Variants in APPBP2 observed in about 807,000 individuals in gnomAD.
APPBP2 encodes the protein amyloid protein-binding protein 2.
Under a neutral mutation model 76.0 loss-of-function variants are expected in APPBP2, and 15 were observed. That is an observed-to-expected ratio of 0.20 (90% confidence interval 0.13 to 0.30). The LOEUF is 0.30. APPBP2 is among the 10% of genes least tolerant of loss of function. The probability of loss-of-function intolerance (pLI) is 1.00; values close to 1 mark genes in which losing one functional copy is unlikely to be tolerated. For missense variants in APPBP2, 401 were observed against 687.2 expected (o/e 0.58, Z 4.66); for synonymous variants, 222 against 242.2 (o/e 0.92, Z 0.77).
chr17:60,503,599 T>C lies in APPBP2; in HGVS notation c.139-3112A>G, dbSNP rs566780542. Among the ~76,000 whole-genome samples the C allele has an allele frequency of 6.2e-5, 9 of 146,260 alleles. 1 individual carries two copies. Among genetic ancestry groups the C allele is most frequent in the Middle Eastern group, 3.4e-3 (1 of 292 alleles). ...TGGGGTTTCACCATGTTGGCCAGGC[T>C]GGTCTTGAACTCCTGACCTCAGGTG... On this transcript the variant is annotated intron_variant, in intron 1 of 12. Coordinates refer to ENST00000083182, the MANE Select transcript of APPBP2 (RefSeq NM_006380.5).
intron 10 of APPBP2, among the ~76,000 whole-genome samples, chr17:60,455,607 AT>A (rs1308844589): frequency 6.6e-6 from 1 of 152,234 alleles, no homozygotes; most frequent in Non-Finnish European, 1.5e-5. Flanking sequence ...GGGTAACCTG[AT>A]ACGAAGCTCA....
chr17:60,487,491 C>G (rs1294911173), intron 3 of APPBP2, among the ~76,000 whole-genome samples: 1 of 152,142 alleles, frequency 6.6e-6, no homozygotes. Flanking sequence ...GAATCGGCTA[C>G]TGAAGCATGT....
chr17:60,463,873 T>A, intron 6 of APPBP2, 148 bp downstream of exon 6: 1 of 522,722 alleles, frequency 1.9e-6, no homozygotes, highest in Non-Finnish European at 3.2e-6. Flanking sequence ...GAAACCAGAT[T>A]TCTAAAAATG....
At chr17:60,520,990 G>A (rs2091005919) in intron 1 of APPBP2, among the ~76,000 whole-genome samples, 1 of 152,144 alleles carries the variant, frequency 6.6e-6, no homozygotes, top group South Asian at 2.1e-4. Context: ...TCACAGGCAC[G>A]ACCGCAGCTA....
In APPBP2 at chr17:60,524,154, T is replaced by C. The variant is rs1033058116; in HGVS notation, c.138+1640A>G. On this transcript the variant is annotated intron_variant, in intron 1 of 12. Coordinates refer to ENST00000083182, the MANE Select transcript of APPBP2 (RefSeq NM_006380.5). ...AAGCACCATCTATTCATACTAATAA[T>C]CTTCAAATGAAAAGCTTCAATTAGA... 1.2e-4 allele frequency among the ~76,000 whole-genome samples: 18 copies of C among 152,366 alleles called. 1 individual carries two copies. The South Asian group carries it at 3.7e-3, about 32-fold the overall frequency.
At chr17:60,449,130 A>G (rs2090371899) in intron 12 of APPBP2, among the ~76,000 whole-genome samples, 1 of 152,216 alleles carries the variant, frequency 6.6e-6, no homozygotes, top group Non-Finnish European at 1.5e-5. Context: ...GTAAACGAAT[A>G]TTGAACTCTA....
chr17:60,466,260 G>A, intron 5 of APPBP2, 31 bp downstream of exon 5: 1 of 1,589,608 alleles, frequency 6.3e-7, no homozygotes, highest in East Asian at 2.2e-5. Flanking sequence ...GTACTTATTG[G>A]TCACAGTGAA....
At position 60,444,693 on chromosome 17, in the gene APPBP2, C is replaced by T. The variant is rs192683170; in HGVS notation, c.*2888G>A. On this transcript the variant is annotated 3_prime_UTR_variant, in exon 13 of 13. Transcript: ENST00000083182. ...GCTTTGAGGATCCATAAAGATTATG[C>T]TCTAAAAATTCCAATTGACTCTATT... 6.6e-6 allele frequency: 1 copy of T among 152,434 alleles called. No individual in the cohort carries two copies. Among genetic ancestry groups the T allele is most frequent in the African/African-American group, 2.4e-5 (1 of 41,484 alleles). 9.4% of individuals were successfully genotyped at this position (152,434 alleles called of 1,614,324 possible). A position where few individuals can be genotyped will look rare whatever the true frequency, so the allele number is the denominator to read the frequency against.
chr17:60,509,365 C>A (rs1303491056), intron 1 of APPBP2, among the ~76,000 whole-genome samples: 2 of 148,960 alleles, frequency 1.3e-5, no homozygotes, highest in African/African-American at 5.0e-5. Flanking sequence ...GGCGACAGAG[C>A]GAGACTCCGT....
chr17:60,482,809 C>A (rs2090640854), intron 3 of APPBP2, among the ~76,000 whole-genome samples: 1 of 152,194 alleles, frequency 6.6e-6, no homozygotes, highest in African/African-American at 2.4e-5. Flanking sequence ...ATATGCACCA[C>A]ATTTTCTTAA....
At chr17:60,449,229 T>C (rs2090372686) in intron 12 of APPBP2, among the ~76,000 whole-genome samples, 1 of 152,158 alleles carries the variant, frequency 6.6e-6, no homozygotes, top group African/African-American at 2.4e-5. Context: ...CAATATATTA[T>C]AGATAATAGG....
chr17:60,460,579 G>T (rs2090469182), intron 9 of APPBP2, 84 bp downstream of exon 9: 1 of 1,309,454 alleles, frequency 7.6e-7, no homozygotes, highest in Non-Finnish European at 1.1e-6. Flanking sequence ...TATTATTAAT[G>T]TAATAATAGT....
At chr17:60,498,956 A>G (rs530356587) in intron 2 of APPBP2, among the ~76,000 whole-genome samples, 1 of 152,330 alleles carries the variant, frequency 6.6e-6, no homozygotes, top group Admixed American at 6.5e-5. Flanking sequence ...TGATATAATC[A>G]TATTTATGAA....
intron 2 of APPBP2, among the ~76,000 whole-genome samples, chr17:60,498,164 C>A (rs927886558): frequency 5.9e-5 from 9 of 151,936 alleles, no homozygotes; most frequent in Non-Finnish European, 1.0e-4. Flanking sequence ...AATGAAAAGC[C>A]AGATCTGTAG....
chr17:60,481,312 C>T (rs1211061649), intron 3 of APPBP2, among the ~76,000 whole-genome samples: 1 of 152,104 alleles, frequency 6.6e-6, no homozygotes, highest in Non-Finnish European at 1.5e-5. Context: ...TGTATTAGGC[C>T]AGGTACAGTG....
At chr17:60,463,554 A>G (rs974885878) in intron 6 of APPBP2, among the ~76,000 whole-genome samples, 2 of 152,248 alleles carry the variant, frequency 1.3e-5, no homozygotes, top group African/African-American at 4.8e-5. Context: ...AAATCAAGTA[A>G]GGACTGCCTA....
chr17:60,485,518 AGTCT>A (rs1484885836), intron 3 of APPBP2, among the ~76,000 whole-genome samples: 4 of 152,182 alleles, frequency 2.6e-5, no homozygotes, highest in African/African-American at 9.7e-5. Flanking sequence ...CTCTGATGGT[AGTCT>A]GTATTTCTGT....
chr17:60,515,569 G>A (rs1280870913), intron 1 of APPBP2, among the ~76,000 whole-genome samples: 3 of 152,146 alleles, frequency 2.0e-5, no homozygotes, highest in Non-Finnish European at 4.4e-5. Context: ...CCTCATATCT[G>A]TCCCTGCATC....
chr17:60,448,210 A>C (rs1266408117), intron 12 of APPBP2, among the ~76,000 whole-genome samples: 1 of 152,240 alleles, frequency 6.6e-6, no homozygotes, highest in Non-Finnish European at 1.5e-5. Context: ...TGGGAGGCCA[A>C]GGTGGGTGGA....
Sources: allele counts gnomAD v4.1 joint callset (sites outside exome capture counted in the v4.1 genomes callset), GRCh38; gene constraint gnomAD v4.1.1; transcripts MANE v1.5; gene names NCBI Gene and HGNC (gene_info 2026-07-23, HGNC 2026-07-21).